DYNC1I1: variants seen among roughly 807,000 people sequenced by gnomAD.
The protein encoded by DYNC1I1 is cytoplasmic dynein 1 intermediate chain 1.
A neutral mutation model predicts 86.6 loss-of-function variants in DYNC1I1; 43 were observed. That is an observed-to-expected ratio of 0.50 (90% confidence interval 0.39 to 0.64). The LOEUF is 0.64. Ranked by LOEUF, DYNC1I1 falls within the 30% of genes least tolerant of loss-of-function variation. DYNC1I1 has a pLI of 0.00. For missense variants in DYNC1I1, 604 were observed against 788.8 expected (o/e 0.77, Z 2.81); for synonymous variants, 262 against 283.7 (o/e 0.92, Z 0.77).
chr7:95,807,566 T>C (rs982873182), intron 2 of DYNC1I1, among the ~76,000 whole-genome samples: 4 of 152,134 alleles, frequency 2.6e-5, no homozygotes, highest in African/African-American at 9.6e-5. Context: ...TGCTTACATA[T>C]ACCCTGATGG....
intron 5 of DYNC1I1, among the ~76,000 whole-genome samples, chr7:95,854,573 C>T: frequency 6.6e-6 from 1 of 152,112 alleles, no homozygotes; most frequent in East Asian, 1.9e-4. Context: ...GATTTACACA[C>T]CACCATTGCA....
intron 5 of DYNC1I1, among the ~76,000 whole-genome samples, chr7:95,829,899 C>T (rs1323542413): frequency 2.0e-5 from 3 of 152,032 alleles, no homozygotes; most frequent in Admixed American, 1.3e-4. Context: ...GATTCCTGGG[C>T]ATACATCTCT....
chr7:95,782,408 A>G (rs2115658665), intron 1 of DYNC1I1, among the ~76,000 whole-genome samples: 1 of 152,316 alleles, frequency 6.6e-6, no homozygotes, highest in South Asian at 2.1e-4. Context: ...CACCAACTCT[A>G]CAAGTTAATT....
chr7:95,888,599 G>T lies in DYNC1I1; in HGVS notation c.490+18601G>T, dbSNP rs554414089. ...TGCATGTGTATGTTGTGTGTGTTTT[G>T]TATGAGTATTTTAGCAAAATGTGAT... On this transcript the variant is annotated intron_variant, in intron 6 of 16. Coordinates refer to ENST00000447467, the MANE Select transcript of DYNC1I1 (RefSeq NM_001135556.2). 6.6e-5 allele frequency among the ~76,000 whole-genome samples: 10 copies of T among 152,166 alleles called. No individual in the cohort carries two copies. The East Asian group carries it at 1.7e-3, about 26-fold the overall frequency.
At chr7:95,938,552 G>T (rs1792111985) in intron 6 of DYNC1I1, among the ~76,000 whole-genome samples, 1 of 152,134 alleles carries the variant, frequency 6.6e-6, no homozygotes, top group Non-Finnish European at 1.5e-5. Flanking sequence ...GCATCAGATA[G>T]ATCCAGCTTC....
At chr7:96,075,939 T>G (rs557437395) in intron 14 of DYNC1I1, 118 bp from the exon 15 acceptor site, 52 of 1,396,742 alleles carry the variant, frequency 3.7e-5, no homozygotes, top group Non-Finnish European at 4.8e-5. Context: ...TCTCGAGGAC[T>G]TTCATCTCGG....
rs1272228019 is a variant in DYNC1I1, at chr7:95,829,870, A to G, written c.374+1754A>G. 3.3e-5 allele frequency among the ~76,000 whole-genome samples: 5 copies of G among 152,106 alleles called. No individual in the cohort carries two copies. The East Asian group carries it at 9.7e-4, about 29-fold the overall frequency. On this transcript the variant is annotated intron_variant, in intron 5 of 16. Transcript: ENST00000447467. ...CAAACTAGGCATTTATTTATTTATTATTCATTTTGAATTCCTGAGATTCCT... is the reference window on the plus strand; with the variant it reads ...CAAACTAGGCATTTATTTATTTATTGTTCATTTTGAATTCCTGAGATTCCT...
At chr7:96,075,742 C>T (rs1339689835) in intron 14 of DYNC1I1, among the ~76,000 whole-genome samples, 1 of 152,120 alleles carries the variant, frequency 6.6e-6, no homozygotes, top group African/African-American at 2.4e-5. Context: ...AAAGCGTTGC[C>T]GGGCGAGAAT....
intron 11 of DYNC1I1, 72 bp downstream of exon 11, chr7:96,028,393 G>C (rs745307681): frequency 7.8e-6 from 12 of 1,534,846 alleles, no homozygotes; most frequent in Admixed American, 1.9e-5. Flanking sequence ...ACTCAAAAAA[G>C]TATGGATGTT....
At chr7:95,783,003 G>T (rs546674943) in intron 1 of DYNC1I1, among the ~76,000 whole-genome samples, 249 of 152,226 alleles carry the variant, frequency 1.6e-3, no homozygotes, top group African/African-American at 5.9e-3. Flanking sequence ...GTTTTTGTGG[G>T]TACAGGATGG....
chr7:96,097,694 T>C lies in DYNC1I1; in HGVS notation c.*101T>C. ...TTCGGTGTCCATTCAGTATCAGTAT[T>C]GCTGTGATATTTTGGGTGCCATATT... On this transcript the variant is annotated 3_prime_UTR_variant, in exon 17 of 17. Coordinates refer to ENST00000447467, the MANE Select transcript of DYNC1I1 (RefSeq NM_001135556.2). 2 of 1,516,824 alleles carry C rather than the reference T, an allele frequency of 1.3e-6. No individual in the cohort carries two copies. The highest frequency in any genetic ancestry group is 2.4e-5 in the East Asian group (1 of 41,940). 94.0% of individuals were successfully genotyped at this position (1,516,824 alleles called of 1,614,324 possible). A position where few individuals can be genotyped will look rare whatever the true frequency, so the allele number is the denominator to read the frequency against.
chr7:96,070,982 A>G (rs1790142321), intron 14 of DYNC1I1, among the ~76,000 whole-genome samples: 1 of 152,202 alleles, frequency 6.6e-6, no homozygotes, highest in South Asian at 2.1e-4. Flanking sequence ...AATTCTAGAG[A>G]TCAAGTCTTA....
At chr7:95,995,316 A>T (rs1038046399) in intron 9 of DYNC1I1, among the ~76,000 whole-genome samples, 1 of 152,088 alleles carries the variant, frequency 6.6e-6, no homozygotes, top group Non-Finnish European at 1.5e-5. Flanking sequence ...GGCCAGGCGA[A>T]TGTTAGTGCA....
rs552236413 is a variant in DYNC1I1, at chr7:95,832,074, C to T, written c.374+3958C>T. 2.1e-3 allele frequency among the ~76,000 whole-genome samples: 319 copies of T among 148,466 alleles called. 1 individual carries two copies. Among genetic ancestry groups the T allele is most frequent in the African/African-American group, 7.4e-3 (295 of 40,062 alleles). On this transcript the variant is annotated intron_variant, in intron 5 of 16. Transcript: ENST00000447467. ...TGCTGGTGCGCTGCACCCACTAACTCGTCATATAGCATTAGGTATATCTCC... is the reference window on the plus strand; with the variant it reads ...TGCTGGTGCGCTGCACCCACTAACTTGTCATATAGCATTAGGTATATCTCC...
At chr7:95,994,816 T>A (rs1793817507) in intron 9 of DYNC1I1, among the ~76,000 whole-genome samples, 1 of 152,154 alleles carries the variant, frequency 6.6e-6, no homozygotes, top group Non-Finnish European at 1.5e-5. Flanking sequence ...AGGAAGCCAT[T>A]TATGAAGCTG....
chr7:96,078,984 AT>A, intron 15 of DYNC1I1, among the ~76,000 whole-genome samples: 1 of 152,052 alleles, frequency 6.6e-6, no homozygotes, highest in East Asian at 1.9e-4. Flanking sequence ...GAAATTGTGT[AT>A]TTTTAAAAAA....
At chr7:95,834,958 T>G (rs1169430468) in intron 5 of DYNC1I1, among the ~76,000 whole-genome samples, 3 of 150,036 alleles carry the variant, frequency 2.0e-5, no homozygotes, top group African/African-American at 7.4e-5. Flanking sequence ...GGGTTTTTTG[T>G]GTCTCTATTT....
chr7:95,956,380 C>CTTTTTT (rs57664357), intron 6 of DYNC1I1, among the ~76,000 whole-genome samples: 1 of 140,080 alleles, frequency 7.1e-6, no homozygotes. Context: ...CTTTTTTTCT[C>CTTTTTT]TTTTTTTTTT....
Position 95,846,623 on chromosome 7 carries a change from C to CTGTGTGTGTGTGTGTGTGTG in DYNC1I1, c.374+18508_374+18509insGTGTGTGTGTGTGTGTGTGT, listed in dbSNP as rs1314616292. Among the ~76,000 whole-genome samples the CTGTGTGTGTGTGTGTGTGTG allele has an allele frequency of 3.1e-4, 37 of 121,232 alleles. 2 individuals are homozygous for CTGTGTGTGTGTGTGTGTGTG. The highest frequency in any genetic ancestry group is 6.8e-4 in the East Asian group (3 of 4,444). The allele number at this position is 121,232 out of a possible 152,430, so 79.5% of individuals were successfully genotyped here. A position where few individuals can be genotyped will look rare whatever the true frequency, so the allele number is the denominator to read the frequency against. On this transcript the variant is annotated intron_variant, in intron 5 of 16. Coordinates refer to ENST00000447467, the MANE Select transcript of DYNC1I1 (RefSeq NM_001135556.2). The stretch of plus-strand genomic sequence containing the variant: ...TTCTGAACATAAATGATAAATCTCT[C>CTGTGTGTGTGTGTGTGTGTG]TCTCTGTGTGTGTGTGTGTGTGTGT...
Sources: gnomAD v4.1 joint callset for allele counts (sites outside exome capture counted in the v4.1 genomes callset) on GRCh38, gnomAD v4.1.1 for gene constraint, MANE v1.5 for transcripts, NCBI Gene and HGNC (gene_info 2026-07-23, HGNC 2026-07-21) for gene names.